Variants in SCN11A observed in about 807,000 individuals in gnomAD.
The protein encoded by SCN11A is sodium voltage-gated channel alpha subunit 11.
A neutral mutation model predicts 162.2 loss-of-function variants in SCN11A; 122 were observed. The observed-to-expected ratio is 0.75, with a 90% CI of 0.65 to 0.87. The LOEUF is 0.87. Among genes scored for constraint, SCN11A ranks in the 40% least tolerant of loss-of-function variants. The probability of loss-of-function intolerance (pLI) is 0.00; values close to 1 mark genes in which losing one functional copy is unlikely to be tolerated. For missense variants in SCN11A, 2,015 were observed against 2,181.6 expected (o/e 0.92, Z 1.52); for synonymous variants, 758 against 751.5 (o/e 1.01, Z -0.14).
chr3:38,891,096 A>G (rs1207120172), intron 19 of SCN11A, among the ~76,000 whole-genome samples: 1 of 151,436 alleles, frequency 6.6e-6, no homozygotes, highest in Non-Finnish European at 1.5e-5. Flanking sequence ...AGCTAATAGA[A>G]AAAGAATGCA....
intron 2 of SCN11A, among the ~76,000 whole-genome samples, chr3:38,970,506 G>C (rs537847474): frequency 6.6e-6 from 1 of 152,240 alleles, no homozygotes; most frequent in Non-Finnish European, 1.5e-5. Flanking sequence ...TTTAATCTTA[G>C]AAATTAAAAA....
chr3:38,910,230 G>A (rs768113700), intron 11 of SCN11A, 23 bp from the exon 12 acceptor site: 2 of 1,596,750 alleles, frequency 1.3e-6, no homozygotes, highest in Non-Finnish European at 1.7e-6. Context: ...AACAAACAGA[G>A]AAATAATTAT....
chr3:39,043,939 G>A (rs1216011956), intron 1 of SCN11A, among the ~76,000 whole-genome samples: 1 of 152,090 alleles, frequency 6.6e-6, no homozygotes, highest in Non-Finnish European at 1.5e-5. Context: ...TTGCCTGCCT[G>A]TCCCAAAAGA....
intron 2 of SCN11A, among the ~76,000 whole-genome samples, chr3:38,993,305 C>T (rs2030510776): frequency 1.3e-5 from 2 of 151,954 alleles, no homozygotes; most frequent in Admixed American, 6.6e-5. Context: ...TGAAGGCTAC[C>T]GGGATCAGAA....
chr3:38,916,610 G>A (rs2065965134), intron 11 of SCN11A, among the ~76,000 whole-genome samples: 1 of 152,170 alleles, frequency 6.6e-6, no homozygotes, highest in South Asian at 2.1e-4. Context: ...CTTCATGGTT[G>A]GCTCTTGTCT....
intron 26 of SCN11A, 139 bp from the exon 27 acceptor site, chr3:38,867,597 C>T: frequency 1.6e-6 from 1 of 633,982 alleles, no homozygotes; most frequent in Non-Finnish European, 2.7e-6. Flanking sequence ...AGCCATAGCC[C>T]CTGTTGGGAG....
At chr3:38,975,496 G>A (rs189578871) in intron 2 of SCN11A, among the ~76,000 whole-genome samples, 285 of 152,296 alleles carry the variant, frequency 1.9e-3, no homozygotes, top group Non-Finnish European at 2.2e-3. Context: ...TCAGATCCTC[G>A]TACTGGTCTA....
chr3:38,983,230 C>A lies in SCN11A; in HGVS notation c.-279-22807G>T, dbSNP rs183242608. ...AGATGGCCTTCATGATTCCTCTTCA[C>A]CCCTGAGCTTTGATGTTTTTTGCTC... On this transcript the variant is annotated intron_variant, in intron 2 of 29. Coordinates refer to ENST00000302328, the MANE Select transcript of SCN11A (RefSeq NM_001349253.2). Among the ~76,000 whole-genome samples the A allele has an allele frequency of 4.7e-3, 711 of 152,266 alleles. 2 individuals are homozygous for A. The highest frequency in any genetic ancestry group is 6.8e-3 in the Middle Eastern group (2 of 294).
chr3:39,030,405 C>T (rs1388857486), intron 2 of SCN11A, among the ~76,000 whole-genome samples: 2 of 152,182 alleles, frequency 1.3e-5, no homozygotes, highest in African/African-American at 4.8e-5. Context: ...CCCACTTCCA[C>T]AGGACCATAT....
intron 2 of SCN11A, among the ~76,000 whole-genome samples, chr3:38,975,121 T>TA (rs2066841181): frequency 2.7e-5 from 4 of 150,356 alleles, no homozygotes; most frequent in South Asian, 2.3e-4. Flanking sequence ...TGTATGCTGA[T>TA]AAAAAACTAT....
rs780995821 is a variant in SCN11A at position 38,846,929 on chromosome 3, G to A, written c.5141C>T (p.Ala1714Val). Residue 1714 changes from alanine to valine, a missense_variant, in exon 30 of 30, where the codon GCC becomes GTC. Coordinates refer to ENST00000302328, the MANE Select transcript of SCN11A (RefSeq NM_001349253.2). ...TTCATACAACTTCTTGAGAGGATTGGCTTCCATGAACTTCTCTTCCATCAT... is the reference window on the plus strand; with the variant it reads ...TTCATACAACTTCTTGAGAGGATTGACTTCCATGAACTTCTCTTCCATCAT... ...KAMMEEKFME[A>V]NPLKKLYEPI... 1.2e-6 allele frequency: 2 copies of A among 1,613,952 alleles called. No individual in the cohort carries two copies. Among genetic ancestry groups the A allele is most frequent in the Admixed American group, 1.7e-5 (1 of 60,006 alleles).
intron 7 of SCN11A, 39 bp downstream of exon 7, chr3:38,945,372 T>C (rs755125594): frequency 1.4e-6 from 2 of 1,389,526 alleles, no homozygotes; most frequent in South Asian, 1.2e-5. Context: ...TATATTTGTT[T>C]AAAAACTTAG....
At chr3:39,031,775 T>A (rs1380120015) in intron 2 of SCN11A, among the ~76,000 whole-genome samples, 1 of 152,184 alleles carries the variant, frequency 6.6e-6, no homozygotes, top group Non-Finnish European at 1.5e-5. Context: ...ATTAAAGGGC[T>A]ATGAAGAAAT....
chr3:38,868,000 G>A (rs778901389), intron 26 of SCN11A, among the ~76,000 whole-genome samples: 1 of 152,078 alleles, frequency 6.6e-6, no homozygotes, highest in African/African-American at 2.4e-5. Context: ...GATACACATG[G>A]AATAAATATC....
At chr3:38,938,554 T>A (rs865925957) in intron 7 of SCN11A, among the ~76,000 whole-genome samples, 278 of 27,738 alleles carry the variant, frequency 0.01, no homozygotes, top group East Asian at 0.019. Context: ...ATATATATTT[T>A]TTTTTTTTTT....
chr3:38,979,266 G>A (rs920098591), intron 2 of SCN11A, among the ~76,000 whole-genome samples: 3 of 152,230 alleles, frequency 2.0e-5, no homozygotes, highest in Non-Finnish European at 4.4e-5. Flanking sequence ...TGAAATCTAA[G>A]TAGTAAAGTG....
At chr3:39,046,656 T>TA (rs1301285757) in intron 1 of SCN11A, among the ~76,000 whole-genome samples, 1 of 152,082 alleles carries the variant, frequency 6.6e-6, no homozygotes, top group Non-Finnish European at 1.5e-5. Context: ...GTACTGGCAT[T>TA]AAAAAAGACA....
chr3:38,988,276 C>T (rs2030332211), intron 2 of SCN11A, among the ~76,000 whole-genome samples: 1 of 152,058 alleles, frequency 6.6e-6, no homozygotes, highest in Admixed American at 6.6e-5. Context: ...CTGGGCTGAG[C>T]CACACAGGGC....
intron 11 of SCN11A, among the ~76,000 whole-genome samples, chr3:38,911,427 C>T (rs2065886228): frequency 6.6e-6 from 1 of 152,014 alleles, no homozygotes; most frequent in Non-Finnish European, 1.5e-5. Flanking sequence ...CTTCTTTTGC[C>T]CATTAGTTTT....
Sources: allele counts gnomAD v4.1 joint callset (sites outside exome capture counted in the v4.1 genomes callset), GRCh38; gene constraint gnomAD v4.1.1; transcripts MANE v1.5; gene names NCBI Gene and HGNC (gene_info 2026-07-23, HGNC 2026-07-21).